The following PPARGC1A variants were observed in gnomAD, a reference collection of about 807,000 sequenced individuals.
PPARGC1A encodes PPARG coactivator 1 alpha.
Under a neutral mutation model 88.7 loss-of-function variants are expected in PPARGC1A, and 25 were observed. That is an observed-to-expected ratio of 0.28 (90% CI 0.21 to 0.39). The LOEUF (loss-of-function observed/expected upper bound fraction) is 0.39. PPARGC1A is among the 10% of genes least tolerant of loss of function. The pLI is 1.00. For synonymous variants in PPARGC1A, 363 were observed against 355.6 expected (o/e 1.02, Z -0.24); for missense variants, 880 against 968.7 (o/e 0.91, Z 1.22).
the PPARGC1A span, among the ~76,000 whole-genome samples, chr4:24,004,611 G>C: frequency 6.6e-6 from 1 of 152,152 alleles, no homozygotes; most frequent in East Asian, 1.9e-4. Context: ...GTTCAGATAA[G>C]ACAGAAAATG....
At chr4:24,190,775 G>T in the PPARGC1A span, among the ~76,000 whole-genome samples, 1 of 152,102 alleles carries the variant, frequency 6.6e-6, no homozygotes, top group Non-Finnish European at 1.5e-5. Flanking sequence ...CATTCCTCTA[G>T]AAATAGAGGC....
At chr4:23,813,575 T>C (rs575315715) in intron 8 of PPARGC1A, 115 bp downstream of exon 8, 21 of 915,648 alleles carry the variant, frequency 2.3e-5, no homozygotes, top group Middle Eastern at 3.4e-4. Flanking sequence ...AGTGCCAGAA[T>C]TGCAGTGGTC....
At position 23,831,710 on chromosome 4, in the gene PPARGC1A, G is replaced by A; in HGVS notation, c.276C>T (p.Leu92=). 1 of 1,613,936 alleles carries A rather than the reference G, an allele frequency of 6.2e-7. No individual in the cohort carries two copies. The highest frequency in any genetic ancestry group is 8.5e-7 in the Non-Finnish European group (1 of 1,179,834). ...EENEANLLAV[L]TETLDSLPVD... ...CAGGGAGACTGTCTAGTGTCTCTGTGAGGACTGCTAGCAAGTTTGCCTCAT... is the reference window on the plus strand; with the variant it reads ...CAGGGAGACTGTCTAGTGTCTCTGTAAGGACTGCTAGCAAGTTTGCCTCAT... The change falls in exon 3 of 13, where the codon CTC becomes CTT. Residue 92 remains leucine, a synonymous_variant. Transcript: ENST00000264867.
At chr4:24,397,179 T>A in the PPARGC1A span, among the ~76,000 whole-genome samples, 1 of 152,172 alleles carries the variant, frequency 6.6e-6, no homozygotes, top group African/African-American at 2.4e-5. Context: ...AATTAAAATA[T>A]GACGCAATCT....
chr4:24,100,638 G>T, the PPARGC1A span, among the ~76,000 whole-genome samples: 2 of 152,054 alleles, frequency 1.3e-5, no homozygotes, highest in Non-Finnish European at 2.9e-5. Flanking sequence ...GAGGAGAAAA[G>T]AATCAATAGA....
chr4:23,835,464 G>A (rs1468316016), intron 2 of PPARGC1A, among the ~76,000 whole-genome samples: 1 of 128,704 alleles, frequency 7.8e-6, no homozygotes, highest in African/African-American at 3.0e-5. Context: ...TAGCATGGCG[G>A]CTTGTGTGTG....
the PPARGC1A span, among the ~76,000 whole-genome samples, chr4:24,200,847 T>C: frequency 6.6e-6 from 1 of 152,186 alleles, no homozygotes; most frequent in African/African-American, 2.4e-5. Context: ...ATATTTTATA[T>C]GGTTTTTCAA....
the PPARGC1A span, among the ~76,000 whole-genome samples, chr4:24,378,197 C>G: frequency 6.6e-6 from 1 of 152,032 alleles, no homozygotes; most frequent in Non-Finnish European, 1.5e-5. Context: ...ATTAGCTGGG[C>G]ATGGCTGCGC....
the PPARGC1A span, among the ~76,000 whole-genome samples, chr4:24,223,830 TCA>T: frequency 6.6e-6 from 1 of 152,212 alleles, no homozygotes. Context: ...ATAGACAAAT[TCA>T]GTTTGATTTA....
the PPARGC1A span, among the ~76,000 whole-genome samples, chr4:24,128,573 TGTGTGTGC>T: frequency 2.2e-5 from 3 of 134,404 alleles, no homozygotes; most frequent in Non-Finnish European, 4.8e-5. Context: ...TGTGTGTGTG[TGTGTGTGC>T]ACGCGCATCT....
At chr4:24,070,777 T>C in the PPARGC1A span, among the ~76,000 whole-genome samples, 1 of 152,172 alleles carries the variant, frequency 6.6e-6, no homozygotes, top group African/African-American at 2.4e-5. Context: ...AAACAATATT[T>C]AAAAAGATAA....
the PPARGC1A span, among the ~76,000 whole-genome samples, chr4:23,949,897 T>C: frequency 2.0e-5 from 3 of 152,170 alleles, no homozygotes; most frequent in Non-Finnish European, 2.9e-5. Flanking sequence ...TTTCTTTCCT[T>C]GCTCAGAATT....
the PPARGC1A span, among the ~76,000 whole-genome samples, chr4:24,273,361 A>G: frequency 6.6e-6 from 1 of 152,216 alleles, no homozygotes; most frequent in Non-Finnish European, 1.5e-5. Context: ...CTTTACAAAC[A>G]TGTCAAGACT....
chr4:23,899,083 ACC>A (rs35314800), intron 1 of PPARGC1A, among the ~76,000 whole-genome samples: 3,091 of 151,240 alleles, frequency 0.02, 106 homozygotes, highest in African/African-American at 0.069. Context: ...CTGATGATCC[ACC>A]CCCCCCCGGC....
At chr4:24,202,246 T>C in the PPARGC1A span, among the ~76,000 whole-genome samples, 2,543 of 152,300 alleles carry the variant, frequency 0.017, 86 homozygotes, top group African/African-American at 0.058. Flanking sequence ...CTGCAATTTT[T>C]AAATAATATT....
chr4:23,844,655 T>C (rs796956310), intron 2 of PPARGC1A, among the ~76,000 whole-genome samples: 5,410 of 92,232 alleles, frequency 0.059, 358 homozygotes, highest in East Asian at 0.13. Context: ...TATTATATGA[T>C]ATATATCATA....
At chr4:23,952,059 A>T in the PPARGC1A span, among the ~76,000 whole-genome samples, 1 of 151,970 alleles carries the variant, frequency 6.6e-6, no homozygotes, top group Non-Finnish European at 1.5e-5. Context: ...CCTTGTTCCG[A>T]TTGAGGCTAT....
At chr4:24,234,661 G>A in the PPARGC1A span, among the ~76,000 whole-genome samples, 5 of 152,138 alleles carry the variant, frequency 3.3e-5, no homozygotes, top group African/African-American at 9.7e-5. Context: ...AAAGTAAGAC[G>A]CTTACACACT....
the PPARGC1A span, among the ~76,000 whole-genome samples, chr4:24,397,721 AC>A: frequency 6.6e-6 from 1 of 152,152 alleles, no homozygotes; most frequent in East Asian, 1.9e-4. Context: ...ACAACCTCCA[AC>A]CTTTTTGAGT....
Sources: gnomAD v4.1 joint callset for allele counts (sites outside exome capture counted in the v4.1 genomes callset) on GRCh38, gnomAD v4.1.1 for gene constraint, MANE v1.5 for transcripts, NCBI Gene and HGNC (gene_info 2026-07-23, HGNC 2026-07-21) for gene names.